Variants in RP1 observed in about 807,000 individuals in gnomAD.
The protein encoded by RP1 is oxygen-regulated protein 1.
Under a neutral mutation model 14.8 loss-of-function variants are expected in RP1, and 16 were observed. The observed-to-expected ratio is 1.08, with a 90% confidence interval of 0.73 to 1.65. RP1 has a LOEUF of 1.65. RP1 is among the 40% of genes most tolerant of loss of function. The pLI is 0.00. For missense variants in RP1, 2,631 were observed against 2,535.0 expected, an observed-to-expected ratio of 1.04 and a Z score of -0.81; for synonymous variants, 876 against 883.6, an observed-to-expected ratio of 0.99 and a Z score of 0.15.
chr8:54,739,797 G>A (rs1809026540), intron 19 of RP1, among the ~76,000 whole-genome samples: 1 of 151,912 alleles, frequency 6.6e-6, no homozygotes, highest in Non-Finnish European at 1.5e-5. Flanking sequence ...GTTTTGATTA[G>A]CAATGGACTG....
intron 14 of RP1, among the ~76,000 whole-genome samples, chr8:54,706,127 A>G (rs1808145019): frequency 6.6e-6 from 1 of 152,146 alleles, no homozygotes; most frequent in South Asian, 2.1e-4. Flanking sequence ...TGTGCTTTAT[A>G]TTAATATTAA....
chr8:54,656,159 A>G, exon 6 of RP1: 1 of 1,535,702 alleles, frequency 6.5e-7, no homozygotes, highest in Middle Eastern at 1.7e-4. Flanking sequence ...GATCAAGAGG[A>G]TGGGGAAATC....
At chr8:54,715,775 A>G (rs1356998908) in intron 15 of RP1, among the ~76,000 whole-genome samples, 1 of 152,244 alleles carries the variant, frequency 6.6e-6, no homozygotes, top group African/African-American at 2.4e-5. Flanking sequence ...TAGAGTTAAC[A>G]GATACTGAGT....
intron 25 of RP1, among the ~76,000 whole-genome samples, chr8:54,841,566 G>A (rs958989641): frequency 1.3e-5 from 2 of 152,150 alleles, no homozygotes; most frequent in Non-Finnish European, 2.9e-5. Flanking sequence ...TTCTTTGGGG[G>A]CTGAGCTACA....
chr8:54,669,768 A>G (rs537405853), intron 7 of RP1, among the ~76,000 whole-genome samples: 6 of 152,206 alleles, frequency 3.9e-5, no homozygotes, highest in African/African-American at 1.4e-4. Flanking sequence ...TGAGCAAACT[A>G]TCACAAGGAC....
chr8:54,626,956 C>G lies in RP1; in HGVS notation c.3074C>G (p.Thr1025Ser). ...AYLVPLHEHCTLSQSAINDHN... is the reference protein window; with the variant it reads ...AYLVPLHEHCSLSQSAINDHN... ...TTGGTTCCCCTGCATGAACACTGTA[C>G]TTTGTCACAGTCAGCTATTAATGAT... is the stretch of plus-strand genomic sequence containing the variant. The change falls in exon 4 of 4, where the codon ACT becomes AGT. Residue 1025 changes from threonine (T) to serine (S), a missense_variant. Physicochemically the swap from Thr to Ser is moderately conservative, Grantham distance 58 (BLOSUM62 1). Coordinates refer to ENST00000220676, the MANE Select transcript of RP1 (RefSeq NM_006269.2). 1 of 1,613,970 alleles carries G rather than the reference C, an allele frequency of 6.2e-7. No individual in the cohort carries two copies. Among genetic ancestry groups the G allele is most frequent in the Non-Finnish European group, 8.5e-7 (1 of 1,179,962 alleles).
intron 19 of RP1, among the ~76,000 whole-genome samples, chr8:54,746,541 G>A (rs1229916326): frequency 1.3e-5 from 2 of 152,000 alleles, no homozygotes; most frequent in African/African-American, 4.8e-5. Flanking sequence ...AAAACAAGAT[G>A]GCTATAACTG....
chr8:54,734,937 A>C (rs1370520732), intron 18 of RP1, among the ~76,000 whole-genome samples: 1 of 152,064 alleles, frequency 6.6e-6, no homozygotes, highest in African/African-American at 2.4e-5. Context: ...TATTCAAGCA[A>C]GGAAAGTTGT....
At chr8:54,579,202 A>G (rs189861465) in intron 1 of RP1, among the ~76,000 whole-genome samples, 3 of 152,286 alleles carry the variant, frequency 2.0e-5, no homozygotes, top group Admixed American at 2.0e-4. Flanking sequence ...CCAGATTTCC[A>G]CTTGGTGTTA....
intron 1 of RP1, among the ~76,000 whole-genome samples, chr8:54,598,553 T>C (rs932330839): frequency 2.6e-5 from 4 of 152,332 alleles, no homozygotes; most frequent in African/African-American, 9.6e-5. Flanking sequence ...TTTTTGTTCT[T>C]TCTGTTGTCC....
intron 24 of RP1, among the ~76,000 whole-genome samples, chr8:54,817,931 G>A (rs1237618019): frequency 2.0e-5 from 3 of 152,104 alleles, no homozygotes; most frequent in African/African-American, 7.2e-5. Context: ...TTTCACAAAG[G>A]AACTATGAAA....
intron 25 of RP1, among the ~76,000 whole-genome samples, chr8:54,849,023 A>G (rs992788358): frequency 1.7e-4 from 26 of 152,176 alleles, no homozygotes; most frequent in Non-Finnish European, 1.3e-4. Flanking sequence ...TCCCGGGATT[A>G]CGGGTGTGAG....
At chr8:54,684,848 A>G (rs960428622) in intron 12 of RP1, among the ~76,000 whole-genome samples, 1 of 152,186 alleles carries the variant, frequency 6.6e-6, no homozygotes, top group African/African-American at 2.4e-5. Context: ...AGGGACATGG[A>G]TGAAGCTGGA....
At chr8:54,662,931 T>C (rs935100392) in intron 6 of RP1, among the ~76,000 whole-genome samples, 12 of 152,200 alleles carry the variant, frequency 7.9e-5, no homozygotes, top group African/African-American at 1.2e-4. Flanking sequence ...GAACTCTTGA[T>C]TGGATTTCTG....
intron 1 of RP1, among the ~76,000 whole-genome samples, chr8:54,589,264 C>A (rs1804993765): frequency 6.6e-6 from 1 of 152,146 alleles, no homozygotes; most frequent in Non-Finnish European, 1.5e-5. Flanking sequence ...AAATCACCTG[C>A]ATATTCTCTT....
chr8:54,710,272 C>T (rs568080509), intron 15 of RP1, among the ~76,000 whole-genome samples: 44 of 152,350 alleles, frequency 2.9e-4, no homozygotes, highest in African/African-American at 1.0e-3. Context: ...CGCGAGCAAA[C>T]AAGTGCAGGC....
chr8:54,679,620 A>G lies in RP1; in HGVS notation c.1580A>G (p.Lys527Arg), dbSNP rs1390712671. ...GGGCAGAAATTGGAACTTAAGAGAA[A>G]AGAAACAGTAAGATTTTGTTTGGGC... Residue 527 changes from lysine (K) to arginine (R), a missense_variant, in exon 11 of 23, where the codon AAA becomes AGA. Lys to Arg is a conservative substitution (Grantham distance 26, BLOSUM62 2). Coordinates refer to the RP1 transcript ENST00000636932. The G allele has an allele frequency of 3.9e-6, 6 of 1,536,004 alleles. No individual in the cohort carries two copies. The South Asian group carries it at 7.1e-5, about 18-fold the overall frequency.
intron 21 of RP1, among the ~76,000 whole-genome samples, chr8:54,758,140 T>C (rs930229224): frequency 6.6e-6 from 1 of 152,170 alleles, no homozygotes; most frequent in African/African-American, 2.4e-5. Flanking sequence ...TAGCTAACAG[T>C]CAACTATCAT....
chr8:54,625,286 C>T lies in RP1; in HGVS notation c.1404C>T (p.Thr468=), dbSNP rs760152125. The change falls in exon 4 of 4, where the codon ACC becomes ACT. Residue 468 remains threonine, a synonymous_variant. Coordinates refer to ENST00000220676, the MANE Select transcript of RP1 (RefSeq NM_006269.2). ...AGAAATCTGTGATTGGCAGTGTGAC[C>T]TTAGTATCTGAAACTGAGGTTCAAG... ...RQKKSVIGSV[T]LVSETEVQEK... is the part of the protein sequence containing the mutation. 1 of 1,614,004 alleles carries T rather than the reference C, an allele frequency of 6.2e-7. No individual in the cohort carries two copies. Among genetic ancestry groups the T allele is most frequent in the African/African-American group, 1.3e-5 (1 of 74,910 alleles).
Sources: gnomAD v4.1 joint callset for allele counts (sites outside exome capture counted in the v4.1 genomes callset) on GRCh38, gnomAD v4.1.1 for gene constraint, MANE v1.5 for transcripts, NCBI Gene and HGNC (gene_info 2026-07-23, HGNC 2026-07-21) for gene names.